The following UNC13A variants were observed in gnomAD, a reference collection of about 807,000 sequenced individuals.
UNC13A encodes the protein unc-13 homolog A.
In UNC13A, 61 loss-of-function variants were observed where a neutral mutation model predicts 219.7. The ratio of observed to expected loss-of-function variants is 0.28; its 90% CI spans 0.23 to 0.34. The LOEUF (loss-of-function observed/expected upper bound fraction) is 0.34. Among genes scored for constraint, UNC13A ranks in the 10% least tolerant of loss-of-function variants. UNC13A has a pLI of 1.00. For synonymous variants in UNC13A, 920 were observed against 884.6 expected, an observed-to-expected ratio of 1.04 and a Z score of -0.71; for missense variants, 1,476 against 2,270.3, an observed-to-expected ratio of 0.65 and a Z score of 7.11.
intron 8 of UNC13A, among the ~76,000 whole-genome samples, chr19:17,661,474 G>A (rs1253007038): frequency 1.3e-5 from 2 of 151,566 alleles, no homozygotes; most frequent in East Asian, 2.0e-4. Context: ...CGGGAGGATT[G>A]CTTGAGGTCA....
Position 17,602,230 on chromosome 19 carries a change from C to G in UNC13A, c.*3824G>C, listed in dbSNP as rs572593484. 2 of 152,870 alleles carry G rather than the reference C, an allele frequency of 1.3e-5. No individual in the cohort carries two copies. Among genetic ancestry groups the G allele is most frequent in the Non-Finnish European group, 2.9e-5 (2 of 68,176 alleles). 9.5% of individuals were successfully genotyped at this position (152,870 alleles called of 1,614,324 possible). A position where few individuals can be genotyped will look rare whatever the true frequency, so the allele number is the denominator to read the frequency against. ...AACAGATCCTTCTTTCTTCAGGACA[C>G]CCTCTTTACTTCCCCCGACACTCCC... On this transcript the variant is annotated 3_prime_UTR_variant, in exon 44 of 44. Coordinates refer to ENST00000519716, the MANE Select transcript of UNC13A (RefSeq NM_001080421.3).
At chr19:17,635,919 C>A in intron 26 of UNC13A, 105 bp downstream of exon 26, 2 of 1,390,436 alleles carry the variant, frequency 1.4e-6, no homozygotes, top group South Asian at 1.5e-5. Flanking sequence ...CCCCCAGGTG[C>A]ACATTTGTGT....
At chr19:17,679,341 A>G (rs1041193503) in intron 1 of UNC13A, among the ~76,000 whole-genome samples, 6 of 152,016 alleles carry the variant, frequency 3.9e-5, no homozygotes, top group African/African-American at 1.4e-4. Flanking sequence ...CGGAGGTTGC[A>G]GTGAGCCAAG....
chr19:17,678,249 C>A (rs2079937693), intron 1 of UNC13A, among the ~76,000 whole-genome samples: 1 of 152,138 alleles, frequency 6.6e-6, no homozygotes, highest in African/African-American at 2.4e-5. Flanking sequence ...GAGGCCGAGG[C>A]AGGTGGATCA....
intron 8 of UNC13A, among the ~76,000 whole-genome samples, chr19:17,659,720 G>A (rs766763632): frequency 2.6e-5 from 4 of 152,160 alleles, no homozygotes; most frequent in Non-Finnish European, 5.9e-5. Flanking sequence ...AGTGAGCTAT[G>A]ATTACGCCTC....
chr19:17,606,093 C>G lies in UNC13A; in HGVS notation c.5073G>C (p.Thr1691=). The G allele has an allele frequency of 6.3e-7, 1 of 1,591,728 alleles. No individual in the cohort carries two copies. Among genetic ancestry groups the G allele is most frequent in the Non-Finnish European group, 8.5e-7 (1 of 1,171,876 alleles). ...CGGCACCGCCCTCCTCGGCGGAGCGCGTGTCCGACTTGAGCTTCACGAACT... is the reference window on the plus strand; with the variant it reads ...CGGCACCGCCCTCCTCGGCGGAGCGGGTGTCCGACTTGAGCTTCACGAACT... ...AKEFVKLKSD[T]RSAEEGGAAP... is the part of the protein sequence containing the mutation. The change falls in exon 44 of 44, where the codon ACG becomes ACC. Residue 1691 remains threonine (T), a synonymous_variant. Transcript: ENST00000519716.
chr19:17,687,017 G>A lies in UNC13A; in HGVS notation c.22+1161C>T, dbSNP rs116149022. On this transcript the variant is annotated intron_variant, in intron 1 of 43. Transcript: ENST00000519716. ...CTTGAAATGGGTGGGAGTGACGGGGGGACCCCAGTCCTTAAGAACCAGGGG... is the reference window on the plus strand; with the variant it reads ...CTTGAAATGGGTGGGAGTGACGGGGAGACCCCAGTCCTTAAGAACCAGGGG... Among the ~76,000 whole-genome samples the A allele has an allele frequency of 4.5e-3, 685 of 152,296 alleles. 6 individuals carry two copies. Among genetic ancestry groups the A allele is most frequent in the African/African-American group, 0.015 (623 of 41,562 alleles).
intron 17 of UNC13A, 127 bp downstream of exon 17, chr19:17,647,138 A>G: frequency 1.2e-6 from 1 of 850,582 alleles, no homozygotes; most frequent in Admixed American, 2.4e-5. Flanking sequence ...CACGGAGATG[A>G]GATGGAATGC....
At chr19:17,652,006 A>G (rs531139178) in intron 12 of UNC13A, among the ~76,000 whole-genome samples, 47 of 152,354 alleles carry the variant, frequency 3.1e-4, no homozygotes, top group African/African-American at 1.1e-3. Flanking sequence ...AGCAATAATC[A>G]AAGAGATTTA....
chr19:17,669,413 C>A (rs2145900840), intron 5 of UNC13A, 140 bp downstream of exon 5: 1 of 1,256,514 alleles, frequency 8.0e-7, no homozygotes. Flanking sequence ...GAAACTCTCT[C>A]TCCTCCGGGG....
chr19:17,662,813 G>A (rs565867325), intron 8 of UNC13A, among the ~76,000 whole-genome samples: 23 of 152,056 alleles, frequency 1.5e-4, no homozygotes, highest in Middle Eastern at 3.4e-3. Flanking sequence ...CCAGCTACTC[G>A]GGAGGCTGAG....
rs778216202 is a variant in UNC13A at position 17,636,017 on chromosome 19, A to G, written c.3215+7T>C. The G allele has an allele frequency of 1.4e-5, 23 of 1,608,614 alleles. 2 individuals are homozygous for G. In the South Asian group the frequency reaches 2.0e-4, roughly 14 times the overall value. ...CAGATAATTAACTACACAGATACAC[A>G]ACTCACTGGTTGAGGCAGGGAGTGT... On this transcript the variant is annotated splice_region_variant and intron_variant, in intron 26 of 43. Coordinates refer to ENST00000519716, the MANE Select transcript of UNC13A (RefSeq NM_001080421.3).
At chr19:17,679,963 C>A (rs1223253496) in intron 1 of UNC13A, among the ~76,000 whole-genome samples, 4 of 152,086 alleles carry the variant, frequency 2.6e-5, no homozygotes, top group Non-Finnish European at 5.9e-5. Context: ...AGCCAGGCTC[C>A]TGCACTTAGC....
rs534116296 is a variant in UNC13A, at chr19:17,630,833, G to A, written c.3429-83C>T. ...CCGCCTGGTTCTGACCCACTAACGA[G>A]TGGAGCTATGGCTGCTCCTGCTCTG... On this transcript the variant is annotated intron_variant, in intron 28 of 43. Transcript: ENST00000519716. The A allele has an allele frequency of 4.7e-6, 6 of 1,267,298 alleles. No individual in the cohort carries two copies. In the African/African-American group the frequency reaches 7.4e-5, roughly 16 times the overall value. The allele number at this position is 1,267,298 out of a possible 1,614,324, so 78.5% of individuals were successfully genotyped here.
At chr19:17,631,432 G>C (rs1178111068) in intron 28 of UNC13A, among the ~76,000 whole-genome samples, 2 of 150,234 alleles carry the variant, frequency 1.3e-5, no homozygotes, top group Non-Finnish European at 3.0e-5. Flanking sequence ...TCCCTGTGTT[G>C]CCCAGGCAGG....
At chr19:17,618,769 GTGAGTAGAGTTTCTGTCCTT>G in intron 39 of UNC13A, 117 bp downstream of exon 39, 1 of 867,188 alleles carries the variant, frequency 1.2e-6, no homozygotes, top group Non-Finnish European at 1.9e-6. Flanking sequence ...TTGTGCTTCA[GTGAGTAGAGTTTCTGTCCTT>G]TGAGCCTGTA....
chr19:17,657,975 C>CTCCAGCTCTG (rs1487967821), intron 9 of UNC13A, 87 bp downstream of exon 9: 7 of 1,409,092 alleles, frequency 5.0e-6, no homozygotes, highest in African/African-American at 2.8e-5. Context: ...GGAACTCCAC[C>CTCCAGCTCTG]TCCAGCTCTG....
At chr19:17,629,755 C>G (rs577880264) in intron 30 of UNC13A, among the ~76,000 whole-genome samples, 1 of 152,024 alleles carries the variant, frequency 6.6e-6, no homozygotes, top group African/African-American at 2.4e-5. Flanking sequence ...ATCTCAATTC[C>G]AAATCAAGAC....
Position 17,632,786 on chromosome 19 carries a change from G to A in UNC13A, c.3424C>T (p.Pro1142Ser), listed in dbSNP as rs772113003. The A allele has an allele frequency of 1.9e-6, 3 of 1,613,724 alleles. No homozygotes were observed. The highest frequency in any genetic ancestry group is 2.5e-6 in the Non-Finnish European group (3 of 1,179,890). ...PAFKDRVPEY[P>S]AWFEPFVIQW... ...GGCCTGGGGCAGGGGACTTACGCAG[G>A]GTACTCAGGCACGCGGTCCTTGAAG... The change falls in exon 28 of 44, where the codon CCT (proline) becomes TCT (serine). Residue 1142 changes from proline (P) to serine (S), a missense_variant. By Grantham distance (74) the Pro-to-Ser change is moderately conservative (BLOSUM62 -1). Around this residue, in one of 14 missense-constraint regions of UNC13A, gnomAD observed 218 missense variants for 409.4 expected, o/e 0.53. Coordinates refer to ENST00000519716, the MANE Select transcript of UNC13A (RefSeq NM_001080421.3).
Sources: gnomAD v4.1 joint callset for allele counts (sites outside exome capture counted in the v4.1 genomes callset) on GRCh38, gnomAD v4.1.1 for gene constraint, gnomAD v4.1.1 regional missense constraint, MANE v1.5 for transcripts, NCBI Gene and HGNC (gene_info 2026-07-23, HGNC 2026-07-21) for gene names.